MSRA: variants seen among roughly 807,000 people sequenced by gnomAD.
The protein encoded by MSRA is methionine sulfoxide reductase A, also known as mitochondrial peptide methionine sulfoxide reductase.
A neutral mutation model predicts 31.3 loss-of-function variants in MSRA; 54 were observed. The observed-to-expected ratio is 1.73, with a 90% confidence interval of 1.39 to 2.17. The LOEUF is 2.17. Ranked by LOEUF, MSRA falls within the 30% of genes most tolerant of loss-of-function variation. The pLI is 0.00. For missense variants in MSRA, 507 were observed against 300.9 expected (o/e 1.69, Z -5.07); for synonymous variants, 169 against 116.5 (o/e 1.45, Z -2.90).
At chr8:10,262,999 C>T (rs1050356076) in intron 3 of MSRA, among the ~76,000 whole-genome samples, 2 of 152,220 alleles carry the variant, frequency 1.3e-5, no homozygotes, top group East Asian at 3.9e-4. Context: ...AGTTCTGTTA[C>T]CTGACTGTGG....
At chr8:10,260,416 G>C (rs1798415584) in intron 3 of MSRA, among the ~76,000 whole-genome samples, 1 of 152,210 alleles carries the variant, frequency 6.6e-6, no homozygotes, top group Non-Finnish European at 1.5e-5. Context: ...AGGAGACAGA[G>C]GAGGAGGAAG....
chr8:10,140,732 AAAG>A, intron 1 of MSRA, among the ~76,000 whole-genome samples: 1 of 152,256 alleles, frequency 6.6e-6, no homozygotes, highest in Non-Finnish European at 1.5e-5. Context: ...AACTGACTAA[AAAG>A]AAGCTTAACT....
intron 5 of MSRA, among the ~76,000 whole-genome samples, chr8:10,400,894 A>G (rs1434344313): frequency 2.6e-5 from 4 of 152,236 alleles, no homozygotes; most frequent in Admixed American, 2.6e-4. Flanking sequence ...TCAAAGACCT[A>G]AATATAAGAG....
At chr8:10,392,018 G>T (rs1470206142) in intron 5 of MSRA, among the ~76,000 whole-genome samples, 2 of 152,186 alleles carry the variant, frequency 1.3e-5, no homozygotes, top group Admixed American at 6.5e-5. Context: ...AGAAGTCACT[G>T]TCTGACCACC....
At chr8:10,086,754 A>T (rs1241376074) in intron 1 of MSRA, among the ~76,000 whole-genome samples, 1 of 152,112 alleles carries the variant, frequency 6.6e-6, no homozygotes, top group Non-Finnish European at 1.5e-5. Context: ...TAAATACTTA[A>T]TAAATCAATG....
chr8:10,321,347 C>T (rs751384169), intron 5 of MSRA, among the ~76,000 whole-genome samples: 11 of 152,012 alleles, frequency 7.2e-5, no homozygotes, highest in East Asian at 1.9e-4. Context: ...AGTGCAGAGA[C>T]GAGGAGGCTG....
chr8:10,080,358 C>G (rs1798232440), intron 1 of MSRA, among the ~76,000 whole-genome samples: 1 of 151,140 alleles, frequency 6.6e-6, no homozygotes, highest in Admixed American at 6.6e-5. Context: ...GAGACCAACC[C>G]TGTTTTCACT....
At chr8:10,258,483 G>C (rs1475664693) in intron 3 of MSRA, among the ~76,000 whole-genome samples, 1 of 152,088 alleles carries the variant, frequency 6.6e-6, no homozygotes, top group Non-Finnish European at 1.5e-5. Context: ...GTGACACCTG[G>C]AGCAGGCCTT....
chr8:10,297,370 G>C (rs190331976), intron 3 of MSRA, among the ~76,000 whole-genome samples: 1 of 152,138 alleles, frequency 6.6e-6, no homozygotes, highest in South Asian at 2.1e-4. Context: ...TAAAGCCCCC[G>C]TAATGCTGCT....
chr8:10,274,226 C>T (rs1424155793), intron 3 of MSRA, among the ~76,000 whole-genome samples: 2 of 152,170 alleles, frequency 1.3e-5, no homozygotes, highest in Non-Finnish European at 2.9e-5. Context: ...AGTTAAATTC[C>T]AGACAGTATG....
chr8:10,099,583 C>T (rs949258503), intron 1 of MSRA, among the ~76,000 whole-genome samples: 4 of 152,160 alleles, frequency 2.6e-5, no homozygotes, highest in Admixed American at 6.5e-5. Context: ...AACTGAGTGG[C>T]GAACCAGAGT....
At chr8:10,283,080 G>T (rs1252221208) in intron 3 of MSRA, among the ~76,000 whole-genome samples, 13 of 151,246 alleles carry the variant, frequency 8.6e-5, no homozygotes, top group African/African-American at 3.2e-4. Context: ...TAAAAGCCCA[G>T]CCAGTTCAGA....
chr8:10,200,909 A>G (rs1296583381), intron 1 of MSRA, among the ~76,000 whole-genome samples: 1 of 152,136 alleles, frequency 6.6e-6, no homozygotes, highest in Non-Finnish European at 1.5e-5. Context: ...GGACCTGGGC[A>G]GGATCAGGGC....
intron 1 of MSRA, among the ~76,000 whole-genome samples, chr8:10,064,236 T>G (rs1372350059): frequency 6.6e-6 from 1 of 152,220 alleles, no homozygotes; most frequent in Non-Finnish European, 1.5e-5. Context: ...ACTCGATGAC[T>G]TTGACTCATG....
At chr8:10,107,807 T>C (rs1228862721) in intron 1 of MSRA, among the ~76,000 whole-genome samples, 1 of 152,184 alleles carries the variant, frequency 6.6e-6, no homozygotes, top group African/African-American at 2.4e-5. Flanking sequence ...ATTAGAGCAC[T>C]GAAAAAGGCC....
At chr8:10,122,533 T>TG (rs201258686) in intron 1 of MSRA, among the ~76,000 whole-genome samples, 94 of 126,768 alleles carry the variant, frequency 7.4e-4, no homozygotes, top group African/African-American at 3.1e-3. Context: ...TTTTTTTGTG[T>TG]TTTTTTTTTT....
chr8:10,367,650 G>A (rs1255064274), intron 5 of MSRA, among the ~76,000 whole-genome samples: 3 of 152,220 alleles, frequency 2.0e-5, no homozygotes, highest in South Asian at 2.1e-4. Context: ...CTTTCCCCAT[G>A]TCACACTGCG....
intron 1 of MSRA, among the ~76,000 whole-genome samples, chr8:10,154,525 C>A (rs1008671679): frequency 6.6e-6 from 1 of 152,010 alleles, no homozygotes; most frequent in Non-Finnish European, 1.5e-5. Context: ...CTACAGGCAC[C>A]CGCCACCACG....
rs1370293199 is a variant in MSRA, at chr8:10,220,659, G to T, written c.211+12758G>T. On this transcript the variant is annotated intron_variant, in intron 2 of 5. Transcript: ENST00000317173. ...TTTCCATAATTCTGCCACTTGTCAG[G>T]TCACGATGGAGCTGTTTCTAGTGGG... Among the ~76,000 whole-genome samples the T allele has an allele frequency of 2.6e-5, 4 of 152,262 alleles. No individual in the cohort carries two copies. The East Asian group carries it at 7.7e-4, about 29-fold the overall frequency.
Sources: gnomAD v4.1 joint callset for allele counts (sites outside exome capture counted in the v4.1 genomes callset) on GRCh38, gnomAD v4.1.1 for gene constraint, MANE v1.5 for transcripts, NCBI Gene and HGNC (gene_info 2026-07-23, HGNC 2026-07-21) for gene names.